Variants in CDC42SE2 observed in about 807,000 individuals in gnomAD.
The protein encoded by CDC42SE2 is CDC42 small effector 2.
Under a neutral mutation model 11.5 loss-of-function variants are expected in CDC42SE2, and 3 were observed. The observed-to-expected ratio is 0.26, with a 90% CI of 0.12 to 0.67. The LOEUF is 0.67. CDC42SE2 is among the 30% of genes least tolerant of loss of function. CDC42SE2 has a pLI of 0.80. For synonymous variants in CDC42SE2, 33 were observed against 34.8 expected (o/e 0.95, Z 0.18); for missense variants, 82 against 106.8 (o/e 0.77, Z 1.02).
the CDC42SE2 span, among the ~76,000 whole-genome samples, chr5:131,221,046 G>A: frequency 2.9e-4 from 44 of 151,856 alleles, no homozygotes; most frequent in Admixed American, 2.0e-4. Context: ...CACCACACTC[G>A]GCTAATATTT....
At chr5:131,277,941 G>A (rs904567007) in intron 1 of CDC42SE2, among the ~76,000 whole-genome samples, 1 of 152,072 alleles carries the variant, frequency 6.6e-6, no homozygotes, top group Non-Finnish European at 1.5e-5. Context: ...ACCAAAAGGT[G>A]TTCAGTAAAA....
chr5:131,278,876 CTAGGTTCAAGTGAT>C (rs1388607007), intron 1 of CDC42SE2, among the ~76,000 whole-genome samples: 1 of 141,234 alleles, frequency 7.1e-6, no homozygotes, highest in East Asian at 2.1e-4. Context: ...CCTCTGCCTC[CTAGGTTCAAGTGAT>C]TCTCCTGCCT....
intron 2 of CDC42SE2, among the ~76,000 whole-genome samples, chr5:131,333,376 A>G (rs1051712711): frequency 3.3e-5 from 5 of 152,116 alleles, no homozygotes; most frequent in African/African-American, 4.8e-5. Context: ...GTAGCCTTGT[A>G]GTATAGTTTG....
At chr5:131,212,685 ATCTCT>A in the CDC42SE2 span, among the ~76,000 whole-genome samples, 1 of 152,100 alleles carries the variant, frequency 6.6e-6, no homozygotes, top group African/African-American at 2.4e-5. Context: ...TGGCTTTCAG[ATCTCT>A]TTTCTTTCTG....
intron 1 of CDC42SE2, among the ~76,000 whole-genome samples, chr5:131,313,942 C>G (rs534992149): frequency 9.3e-4 from 141 of 152,292 alleles, no homozygotes; most frequent in African/African-American, 3.3e-3. Flanking sequence ...ATCCTCCTGC[C>G]TCGGCCTTCC....
chr5:131,336,628 C>G (rs987337637), intron 2 of CDC42SE2, among the ~76,000 whole-genome samples: 15 of 152,180 alleles, frequency 9.9e-5, no homozygotes, highest in Non-Finnish European at 1.6e-4. Flanking sequence ...TATATTTGGT[C>G]TTTTCACATA....
In CDC42SE2 at chr5:131,385,151, A is replaced by G. The variant is rs919769179; in HGVS notation, c.55-392A>G. On this transcript the variant is annotated intron_variant, in intron 3 of 4. Transcript: ENST00000505065. ...CCATCAAAATATAATACATCTGTTA[A>G]TGATGAAAGCCAGAAAGTAATGTTT... Among the ~76,000 whole-genome samples the G allele has an allele frequency of 4.6e-5, 7 of 152,352 alleles. No homozygotes were observed. In the South Asian group the frequency reaches 6.2e-4, roughly 14 times the overall value.
intron 2 of CDC42SE2, among the ~76,000 whole-genome samples, chr5:131,319,069 G>GT (rs1281507383): frequency 6.6e-6 from 1 of 151,870 alleles, no homozygotes; most frequent in Non-Finnish European, 1.5e-5. Context: ...TCCTGGCCAA[G>GT]TTTTTTTGTA....
At chr5:131,334,987 G>C (rs927050483) in intron 2 of CDC42SE2, among the ~76,000 whole-genome samples, 3 of 152,090 alleles carry the variant, frequency 2.0e-5, no homozygotes, top group African/African-American at 7.2e-5. Context: ...TCTGATCTTA[G>C]TTATTTCTTG....
chr5:131,322,365 GAT>G (rs756312735), intron 2 of CDC42SE2, among the ~76,000 whole-genome samples: 1 of 152,066 alleles, frequency 6.6e-6, no homozygotes, highest in African/African-American at 2.4e-5. Flanking sequence ...CATACTTTAT[GAT>G]TCTATGAATT....
intron 3 of CDC42SE2, among the ~76,000 whole-genome samples, chr5:131,363,048 G>T (rs1215747494): frequency 6.6e-6 from 1 of 152,050 alleles, no homozygotes; most frequent in African/African-American, 2.4e-5. Flanking sequence ...GGAGGCTGAG[G>T]CAGGAGAACT....
At chr5:131,224,897 G>C in the CDC42SE2 span, among the ~76,000 whole-genome samples, 1 of 151,866 alleles carries the variant, frequency 6.6e-6, no homozygotes, top group South Asian at 2.1e-4. Context: ...TCTGGGTAGA[G>C]TGAAGGCATC....
At chr5:131,297,992 T>C (rs920150517) in intron 1 of CDC42SE2, among the ~76,000 whole-genome samples, 1 of 152,110 alleles carries the variant, frequency 6.6e-6, no homozygotes, top group African/African-American at 2.4e-5. Flanking sequence ...TTATGAGTAG[T>C]TTCACTGAGT....
At chr5:131,383,502 T>G (rs973998200) in intron 3 of CDC42SE2, among the ~76,000 whole-genome samples, 4 of 152,172 alleles carry the variant, frequency 2.6e-5, no homozygotes, top group Non-Finnish European at 5.9e-5. Flanking sequence ...ATTTATATAG[T>G]TAAGTGTTTT....
chr5:131,283,566 C>A (rs1048526075), intron 1 of CDC42SE2, among the ~76,000 whole-genome samples: 54 of 148,508 alleles, frequency 3.6e-4, no homozygotes, highest in African/African-American at 1.3e-3. Flanking sequence ...TGATCTCGGC[C>A]CACTGCAACC....
At chr5:131,360,925 T>G (rs544537960) in intron 3 of CDC42SE2, among the ~76,000 whole-genome samples, 1 of 152,210 alleles carries the variant, frequency 6.6e-6, no homozygotes, top group South Asian at 2.1e-4. Context: ...GGAAATTTTT[T>G]CTTAGCTCTT....
intron 1 of CDC42SE2, among the ~76,000 whole-genome samples, chr5:131,286,188 G>T (rs1355846859): frequency 6.6e-6 from 1 of 151,280 alleles, no homozygotes; most frequent in Non-Finnish European, 1.5e-5. Context: ...GTCCTCCCCG[G>T]CTCAAGAGGT....
chr5:131,226,528 C>T, the CDC42SE2 span, among the ~76,000 whole-genome samples: 1 of 152,176 alleles, frequency 6.6e-6, no homozygotes, highest in Non-Finnish European at 1.5e-5. Context: ...CATTCATTTA[C>T]CAGGGTGATA....
At chr5:131,303,384 A>C (rs1757720947) in intron 1 of CDC42SE2, among the ~76,000 whole-genome samples, 1 of 152,226 alleles carries the variant, frequency 6.6e-6, no homozygotes, top group African/African-American at 2.4e-5. Flanking sequence ...GAGTGATTTA[A>C]TAGGGTCAAG....
Sources: allele counts gnomAD v4.1 joint callset (sites outside exome capture counted in the v4.1 genomes callset), GRCh38; gene constraint gnomAD v4.1.1; transcripts MANE v1.5; gene names NCBI Gene and HGNC (gene_info 2026-07-23, HGNC 2026-07-21).